The following CDH12 variants were observed in gnomAD, a reference collection of about 807,000 sequenced individuals.
CDH12 encodes the protein cadherin 12, also known as cadherin-12.
A neutral mutation model predicts 74.1 loss-of-function variants in CDH12; 41 were observed. The observed-to-expected ratio is 0.55, with a 90% CI of 0.43 to 0.72. The LOEUF (loss-of-function observed/expected upper bound fraction) is 0.72. Ranked by LOEUF, CDH12 falls within the 30% of genes least tolerant of loss-of-function variation. The pLI is 0.00. For synonymous variants in CDH12, 399 were observed against 355.0 expected (o/e 1.12, Z -1.39); for missense variants, 945 against 977.2 (o/e 0.97, Z 0.44).
chr5:22,326,122 C>A (rs1739085738), intron 3 of CDH12, among the ~76,000 whole-genome samples: 1 of 152,098 alleles, frequency 6.6e-6, no homozygotes, highest in Non-Finnish European at 1.5e-5. Flanking sequence ...ATAGCTTTTC[C>A]CCCGTTCTCA....
chr5:22,829,666 C>T (rs1425169437), intron 1 of CDH12, among the ~76,000 whole-genome samples: 6 of 152,190 alleles, frequency 3.9e-5, no homozygotes, highest in Non-Finnish European at 7.3e-5. Flanking sequence ...TGGACCTTTT[C>T]TATTTCTGTT....
chr5:21,936,956 A>C (rs1755100940), intron 6 of CDH12, among the ~76,000 whole-genome samples: 1 of 152,198 alleles, frequency 6.6e-6, no homozygotes, highest in South Asian at 2.1e-4. Context: ...CTGTGAGTCA[A>C]GTAAGCCTCT....
chr5:21,832,141 T>C (rs1370855986), intron 8 of CDH12, among the ~76,000 whole-genome samples: 1 of 152,138 alleles, frequency 6.6e-6, no homozygotes, highest in African/African-American at 2.4e-5. Context: ...AAGGGACCTG[T>C]CAATATTTTT....
chr5:22,280,012 A>G (rs1414454606), intron 3 of CDH12, among the ~76,000 whole-genome samples: 3 of 152,044 alleles, frequency 2.0e-5, no homozygotes, highest in Admixed American at 2.0e-4. Context: ...AAGTGTTCCT[A>G]TTTCTCCACA....
intron 3 of CDH12, among the ~76,000 whole-genome samples, chr5:22,224,293 T>C (rs1752117969): frequency 6.6e-6 from 1 of 152,040 alleles, no homozygotes; most frequent in African/African-American, 2.4e-5. Context: ...AAGTAGTACT[T>C]AAGGTGAGCA....
rs116221239 is a variant in CDH12, at chr5:22,786,701, T to C, written c.-523+66357A>G. Among the ~76,000 whole-genome samples, 802 of 151,982 alleles carry C rather than the reference T, an allele frequency of 5.3e-3. 2 individuals are homozygous for C. The highest frequency in any genetic ancestry group is 7.9e-3 in the Non-Finnish European group (539 of 67,982). On this transcript the variant is annotated intron_variant, in intron 1 of 14. Transcript: ENST00000382254. ...GAGGAAGTCTATGCCTACATTCTTTTTTTTTCTTTTTTCTTTCTGTTTTTT... is the reference window on the plus strand; with the variant it reads ...GAGGAAGTCTATGCCTACATTCTTTCTTTTTCTTTTTTCTTTCTGTTTTTT...
chr5:22,396,496 G>A (rs1742467938), intron 3 of CDH12, among the ~76,000 whole-genome samples: 2 of 152,130 alleles, frequency 1.3e-5, no homozygotes, highest in African/African-American at 4.8e-5. Context: ...ATTAGAAAAG[G>A]TTTAGGGAGT....
intron 1 of CDH12, among the ~76,000 whole-genome samples, chr5:22,673,462 A>G (rs1205613719): frequency 1.3e-5 from 2 of 152,064 alleles, no homozygotes; most frequent in Admixed American, 6.6e-5. Flanking sequence ...TTAACTTTGC[A>G]TCTTTTCATT....
At chr5:22,379,506 A>G (rs1486660072) in intron 3 of CDH12, among the ~76,000 whole-genome samples, 2 of 152,196 alleles carry the variant, frequency 1.3e-5, no homozygotes, top group Admixed American at 1.3e-4. Context: ...TTGGGATAAT[A>G]TAAAATAATG....
At chr5:22,203,976 C>A (rs1410863696) in intron 4 of CDH12, among the ~76,000 whole-genome samples, 1 of 151,982 alleles carries the variant, frequency 6.6e-6, no homozygotes, top group East Asian at 1.9e-4. Context: ...GGGATTACAT[C>A]AAAATAAAAA....
chr5:22,244,740 AAAAGAAAG>A (rs200900772), intron 3 of CDH12, among the ~76,000 whole-genome samples: 5,728 of 92,530 alleles, frequency 0.062, 134 homozygotes, highest in Non-Finnish European at 0.071. Context: ...AGAAAGAAAG[AAAAGAAAG>A]AAAGAAAGAA....
intron 5 of CDH12, among the ~76,000 whole-genome samples, chr5:22,074,462 A>T (rs1299525951): frequency 2.0e-5 from 3 of 152,204 alleles, no homozygotes; most frequent in East Asian, 3.9e-4. Context: ...AATTGACAAA[A>T]GGGATCTAGT....
At chr5:21,962,298 A>T (rs928741305) in intron 6 of CDH12, among the ~76,000 whole-genome samples, 1 of 152,246 alleles carries the variant, frequency 6.6e-6, no homozygotes, top group East Asian at 1.9e-4. Context: ...TTGAGATTAG[A>T]TAAATTCAAA....
chr5:22,586,232 G>A (rs531708147), intron 1 of CDH12, among the ~76,000 whole-genome samples: 15 of 152,030 alleles, frequency 9.9e-5, no homozygotes, highest in East Asian at 5.8e-4. Flanking sequence ...CAGCAAACTC[G>A]CAAGGACAAA....
intron 5 of CDH12, among the ~76,000 whole-genome samples, chr5:22,011,572 C>T (rs1737296714): frequency 6.6e-6 from 1 of 152,112 alleles, no homozygotes; most frequent in Non-Finnish European, 1.5e-5. Context: ...CACTTAGAGC[C>T]ACATGTGGAA....
At chr5:22,054,628 T>C (rs925181494) in intron 5 of CDH12, among the ~76,000 whole-genome samples, 1 of 152,146 alleles carries the variant, frequency 6.6e-6, no homozygotes, top group Non-Finnish European at 1.5e-5. Context: ...AGATTTTACC[T>C]TTCTTTTATC....
intron 5 of CDH12, among the ~76,000 whole-genome samples, chr5:22,065,627 A>G (rs866775153): frequency 9.2e-5 from 14 of 152,256 alleles, no homozygotes; most frequent in African/African-American, 2.9e-4. Flanking sequence ...GGTCTAGAGG[A>G]CACACCTTTC....
chr5:22,247,079 G>T (rs574833636), intron 3 of CDH12, among the ~76,000 whole-genome samples: 3 of 152,184 alleles, frequency 2.0e-5, no homozygotes, highest in African/African-American at 7.2e-5. Context: ...TCACACTTAG[G>T]TACCTAAAAC....
intron 1 of CDH12, among the ~76,000 whole-genome samples, chr5:22,715,070 GC>G (rs987918220): frequency 2.0e-5 from 3 of 152,024 alleles, no homozygotes; most frequent in African/African-American, 7.2e-5. Context: ...CCTTAACTTT[GC>G]CATCCTGCAC....
Sources: gnomAD v4.1 joint callset for allele counts (sites outside exome capture counted in the v4.1 genomes callset) on GRCh38, gnomAD v4.1.1 for gene constraint, MANE v1.5 for transcripts, NCBI Gene and HGNC (gene_info 2026-07-23, HGNC 2026-07-21) for gene names.